The following CSMD1 variants were observed in gnomAD, a reference collection of about 807,000 sequenced individuals.
The protein encoded by CSMD1 is CUB and sushi domain-containing protein 1.
CSMD1 carries 213 observed loss-of-function variants against 417.5 expected under a neutral mutation model. The ratio of observed to expected loss-of-function variants is 0.51; its 90% CI spans 0.46 to 0.57. CSMD1 has a LOEUF of 0.57. Among genes scored for constraint, CSMD1 ranks in the 20% least tolerant of loss-of-function variants. The probability of loss-of-function intolerance (pLI) is 0.00; values close to 1 mark genes in which losing one functional copy is unlikely to be tolerated. For missense variants in CSMD1, 6,923 were observed against 4,529.7 expected, an observed-to-expected ratio of 1.53 and a Z score of -15.17; for synonymous variants, 2,862 against 1,736.8, an observed-to-expected ratio of 1.65 and a Z score of -16.11.
chr8:3,846,423 G>A (rs1483061843), intron 5 of CSMD1, among the ~76,000 whole-genome samples: 3 of 152,088 alleles, frequency 2.0e-5, no homozygotes, highest in Non-Finnish European at 4.4e-5. Flanking sequence ...GTTTTGATTA[G>A]CCCCAACTGA....
At chr8:4,039,362 C>G (rs557555466) in intron 3 of CSMD1, among the ~76,000 whole-genome samples, 2 of 152,150 alleles carry the variant, frequency 1.3e-5, no homozygotes, top group East Asian at 1.9e-4. Flanking sequence ...GCTCTTCACC[C>G]CACTCTCTCT....
chr8:3,750,991 T>A (rs1797309403), intron 6 of CSMD1, among the ~76,000 whole-genome samples: 1 of 152,152 alleles, frequency 6.6e-6, no homozygotes, highest in African/African-American at 2.4e-5. Context: ...GTCATCTTCC[T>A]CTCTCTGGTC....
intron 52 of CSMD1, among the ~76,000 whole-genome samples, chr8:3,003,563 C>T (rs1035918088): frequency 6.6e-6 from 1 of 152,180 alleles, no homozygotes; most frequent in African/African-American, 2.4e-5. Flanking sequence ...ATGTATTTGA[C>T]AATAATTCAT....
intron 2 of CSMD1, among the ~76,000 whole-genome samples, chr8:4,488,163 A>G (rs902132198): frequency 6.6e-6 from 1 of 152,176 alleles, no homozygotes; most frequent in African/African-American, 2.4e-5. Context: ...TCTTCGACTT[A>G]CAGCTTCCAG....
chr8:3,634,175 G>A (rs1584993604), intron 7 of CSMD1, among the ~76,000 whole-genome samples: 1 of 152,174 alleles, frequency 6.6e-6, no homozygotes, highest in African/African-American at 2.4e-5. Context: ...TTATGAGAGT[G>A]TCTTCGTTTA....
At chr8:3,036,868 A>G (rs182447185) in intron 50 of CSMD1, among the ~76,000 whole-genome samples, 1 of 152,206 alleles carries the variant, frequency 6.6e-6, no homozygotes, top group Non-Finnish European at 1.5e-5. Flanking sequence ...GTTTTTGGTT[A>G]CATGGATAAG....
At chr8:3,913,325 G>T (rs111937961) in intron 5 of CSMD1, among the ~76,000 whole-genome samples, 73 of 152,182 alleles carry the variant, frequency 4.8e-4, no homozygotes, top group African/African-American at 1.6e-3. Flanking sequence ...GCTCAGGAGT[G>T]AGAATCCAAG....
intron 7 of CSMD1, among the ~76,000 whole-genome samples, chr8:3,639,266 G>T (rs1361951665): frequency 6.6e-6 from 1 of 152,170 alleles, no homozygotes; most frequent in East Asian, 1.9e-4. Flanking sequence ...GAAATAGGTT[G>T]CTATTTGAAT....
At chr8:4,667,201 G>T (rs372767896) in intron 1 of CSMD1, among the ~76,000 whole-genome samples, 4 of 151,980 alleles carry the variant, frequency 2.6e-5, no homozygotes, top group East Asian at 3.9e-4. Context: ...TTGTTCCATA[G>T]ATTATATCTA....
intron 3 of CSMD1, among the ~76,000 whole-genome samples, chr8:4,114,258 T>C (rs1267127602): frequency 6.6e-6 from 1 of 152,178 alleles, no homozygotes; most frequent in Non-Finnish European, 1.5e-5. Context: ...CTAGGGCTCT[T>C]AAGAATGATG....
At chr8:4,351,561 G>A (rs559126398) in intron 3 of CSMD1, among the ~76,000 whole-genome samples, 2 of 152,296 alleles carry the variant, frequency 1.3e-5, no homozygotes, top group South Asian at 2.1e-4. Context: ...GGTCAGTTTG[G>A]CTTTAAAATG....
At chr8:3,286,450 G>C (rs150034772) in intron 25 of CSMD1, among the ~76,000 whole-genome samples, 16 of 151,930 alleles carry the variant, frequency 1.1e-4, no homozygotes, top group African/African-American at 3.9e-4. Flanking sequence ...CCAAGAGTGT[G>C]AAAGTGTTCC....
intron 7 of CSMD1, among the ~76,000 whole-genome samples, chr8:3,641,113 G>T (rs917525403): frequency 7.2e-6 from 1 of 139,292 alleles, no homozygotes; most frequent in Admixed American, 7.8e-5. Context: ...AAGTTAGACT[G>T]AAGTTATTGC....
At chr8:4,570,785 T>C (rs1334343623) in intron 2 of CSMD1, among the ~76,000 whole-genome samples, 1 of 152,110 alleles carries the variant, frequency 6.6e-6, no homozygotes, top group Non-Finnish European at 1.5e-5. Context: ...GCTTTTATTG[T>C]TTGGTAGGCT....
chr8:4,560,419 T>C (rs1397957346), intron 2 of CSMD1, among the ~76,000 whole-genome samples: 1 of 152,248 alleles, frequency 6.6e-6, no homozygotes, highest in Non-Finnish European at 1.5e-5. Context: ...CAAAAGATCA[T>C]GTCTGATGGG....
At chr8:4,576,102 C>A (rs1390505696) in intron 2 of CSMD1, among the ~76,000 whole-genome samples, 1 of 152,210 alleles carries the variant, frequency 6.6e-6, no homozygotes, top group Admixed American at 6.5e-5. Flanking sequence ...GACCATTCAA[C>A]CTCCTCTTTA....
Position 3,561,994 on chromosome 8 carries a change from A to G in CSMD1, c.1344+12951T>C, listed in dbSNP as rs572809292. ...CAGGGCTTGCCTTATCTGCTACGTC[A>G]GAAACTTTGTGAAGGAGGAGTCCTG... On this transcript the variant is annotated intron_variant, in intron 10 of 69. Transcript: ENST00000635120. Among the ~76,000 whole-genome samples the G allele has an allele frequency of 5.1e-4, 78 of 152,222 alleles. 1 individual carries two copies. The highest frequency in any genetic ancestry group is 4.4e-3 in the South Asian group (21 of 4,826).
chr8:3,760,940 C>A (rs1295295785), intron 5 of CSMD1, among the ~76,000 whole-genome samples: 4 of 150,852 alleles, frequency 2.7e-5, no homozygotes, highest in Non-Finnish European at 1.5e-5. Context: ...GGCAGAAAGC[C>A]ATATAAAAGA....
intron 37 of CSMD1, among the ~76,000 whole-genome samples, chr8:3,172,667 G>A (rs1201545629): frequency 6.6e-6 from 1 of 152,138 alleles, no homozygotes; most frequent in African/African-American, 2.4e-5. Context: ...GCAGAGAAGG[G>A]GAATGGAGAA....
Sources: gnomAD v4.1 joint callset for allele counts (sites outside exome capture counted in the v4.1 genomes callset) on GRCh38, gnomAD v4.1.1 for gene constraint, MANE v1.5 for transcripts, NCBI Gene and HGNC (gene_info 2026-07-23, HGNC 2026-07-21) for gene names.